ATP8A1: variants seen among roughly 807,000 people sequenced by gnomAD.
ATP8A1 encodes ATPase phospholipid transporting 8A1.
Under a neutral mutation model 177.7 loss-of-function variants are expected in ATP8A1, and 90 were observed. The observed-to-expected ratio is 0.51, with a 90% CI of 0.43 to 0.60. The LOEUF (loss-of-function observed/expected upper bound fraction) is 0.60. Among genes scored for constraint, ATP8A1 ranks in the 20% least tolerant of loss-of-function variants. ATP8A1 has a pLI of 0.00. For synonymous variants in ATP8A1, 493 were observed against 485.9 expected (o/e 1.01, Z -0.19); for missense variants, 1,072 against 1,392.8 (o/e 0.77, Z 3.67).
At chr4:42,564,534 C>T (rs951059925) in intron 15 of ATP8A1, among the ~76,000 whole-genome samples, 10 of 152,226 alleles carry the variant, frequency 6.6e-5, no homozygotes, top group African/African-American at 2.2e-4. Context: ...TAAGATTTGA[C>T]TGCCCTGCTG....
rs200072286 is a variant in ATP8A1, at chr4:42,462,987, G to A, written c.2619+1703C>T. Among the ~76,000 whole-genome samples the A allele has an allele frequency of 7.2e-5, 11 of 152,184 alleles. No individual in the cohort carries two copies. The East Asian group carries it at 1.9e-3, about 27-fold the overall frequency. Reference sequence around the variant, plus strand: ...TGGCCAGTTTCTCTCACTTGGAGTAGCTGTATTTACCCATTGCTTGTACAT... The same window carrying A: ...TGGCCAGTTTCTCTCACTTGGAGTAACTGTATTTACCCATTGCTTGTACAT... On this transcript the variant is annotated intron_variant, in intron 27 of 36. Coordinates refer to ENST00000381668, the MANE Select transcript of ATP8A1 (RefSeq NM_006095.2).
At chr4:42,579,376 TTAAA>T (rs997103463) in intron 11 of ATP8A1, among the ~76,000 whole-genome samples, 4 of 147,966 alleles carry the variant, frequency 2.7e-5, no homozygotes, top group African/African-American at 9.8e-5. Flanking sequence ...TAAAATATAT[TTAAA>T]TATTTATATT....
intron 1 of ATP8A1, among the ~76,000 whole-genome samples, chr4:42,627,657 A>G (rs991917733): frequency 6.6e-6 from 1 of 152,214 alleles, no homozygotes; most frequent in African/African-American, 2.4e-5. Context: ...AAATTTCTCA[A>G]GAGCACTTCA....
chr4:42,492,163 T>A (rs2069396460), intron 24 of ATP8A1, among the ~76,000 whole-genome samples: 1 of 152,206 alleles, frequency 6.6e-6, no homozygotes, highest in South Asian at 2.1e-4. Context: ...TATACTTATC[T>A]AAAGTATACT....
At chr4:42,567,819 G>A (rs982097502) in intron 15 of ATP8A1, among the ~76,000 whole-genome samples, 7 of 152,120 alleles carry the variant, frequency 4.6e-5, no homozygotes, top group African/African-American at 1.7e-4. Flanking sequence ...AGAATATTTT[G>A]AATGACGTGA....
In ATP8A1 at chr4:42,524,751, A is replaced by T; in HGVS notation, c.1807+12T>A. 6.3e-7 allele frequency: 1 copy of T among 1,574,900 alleles called. No individual in the cohort carries two copies. The highest frequency in any genetic ancestry group is 8.7e-7 in the Non-Finnish European group (1 of 1,149,986). On this transcript the variant is annotated intron_variant, in intron 21 of 36. Transcript: ENST00000381668. Reference sequence around the variant, plus strand: ...GTATTTTAATCATGCTTTATTGCCAAATTACACTTACCTTCTGTAGCAAAC... The same window carrying T: ...GTATTTTAATCATGCTTTATTGCCATATTACACTTACCTTCTGTAGCAAAC...
At chr4:42,591,086 A>G (rs1199740424) in intron 6 of ATP8A1, among the ~76,000 whole-genome samples, 1 of 152,146 alleles carries the variant, frequency 6.6e-6, no homozygotes, top group African/African-American at 2.4e-5. Flanking sequence ...TTAATATTTG[A>G]GGGTTATTTA....
chr4:42,566,198 T>A (rs1346727702), intron 15 of ATP8A1, among the ~76,000 whole-genome samples: 1 of 152,224 alleles, frequency 6.6e-6, no homozygotes, highest in Non-Finnish European at 1.5e-5. Flanking sequence ...TCTACATATA[T>A]CTAAGAGGTA....
chr4:42,555,139 A>ATCTT (rs1553903246), intron 16 of ATP8A1, among the ~76,000 whole-genome samples: 1,127 of 59,480 alleles, frequency 0.019, 25 homozygotes, highest in East Asian at 0.024. Context: ...CTATCTATCT[A>ATCTT]ATCTATCTAT....
chr4:42,594,257 T>C (rs956195557), intron 6 of ATP8A1: 1 of 1,368,474 alleles, frequency 7.3e-7, no homozygotes, highest in Non-Finnish European at 1.0e-6. Context: ...AACCATCCTC[T>C]ACACTGTTTG....
intron 29 of ATP8A1, 97 bp from the exon 30 acceptor site, chr4:42,452,156 T>A: frequency 1.2e-6 from 1 of 849,968 alleles, no homozygotes; most frequent in Non-Finnish European, 1.9e-6. Context: ...TCACAAAATG[T>A]GTTTCTGTCG....
chr4:42,539,770 T>C (rs1344757844), intron 20 of ATP8A1, among the ~76,000 whole-genome samples: 1 of 151,974 alleles, frequency 6.6e-6, no homozygotes, highest in Non-Finnish European at 1.5e-5. Context: ...TGAACCCTTA[T>C]CTCTTGCCAT....
intron 1 of ATP8A1, among the ~76,000 whole-genome samples, chr4:42,642,147 C>T (rs936287812): frequency 6.6e-6 from 1 of 152,202 alleles, no homozygotes; most frequent in Non-Finnish European, 1.5e-5. Context: ...CAGAAACAGA[C>T]ATTACCCAGG....
At chr4:42,605,151 A>G (rs1409929169) in intron 5 of ATP8A1, among the ~76,000 whole-genome samples, 1 of 152,242 alleles carries the variant, frequency 6.6e-6, no homozygotes, top group Non-Finnish European at 1.5e-5. Context: ...ATCCTTCAAC[A>G]TGGTGAGTTA....
At chr4:42,422,737 A>G (rs1714125532) in intron 35 of ATP8A1, 70 bp downstream of exon 35, 1 of 1,253,872 alleles carries the variant, frequency 8.0e-7, no homozygotes, top group Non-Finnish European at 1.1e-6. Flanking sequence ...CTTATCACTT[A>G]TTTCCAACCA....
chr4:42,507,946 C>CAAGAGGAA (rs1033560864), intron 22 of ATP8A1, among the ~76,000 whole-genome samples: 2 of 151,642 alleles, frequency 1.3e-5, no homozygotes, highest in African/African-American at 4.8e-5. Flanking sequence ...AATTAGAAAC[C>CAAGAGGAA]AAGAGGAAAA....
At chr4:42,564,132 C>G (rs887904389) in intron 15 of ATP8A1, among the ~76,000 whole-genome samples, 26 of 152,178 alleles carry the variant, frequency 1.7e-4, no homozygotes, top group African/African-American at 5.3e-4. Context: ...TTGGAAACCT[C>G]TGCCTAGACC....
At chr4:42,436,754 C>T (rs1433964162) in intron 33 of ATP8A1, among the ~76,000 whole-genome samples, 2 of 152,206 alleles carry the variant, frequency 1.3e-5, no homozygotes, top group Admixed American at 1.3e-4. Context: ...AACACTGCCC[C>T]ACCTCAGCAA....
intron 19 of ATP8A1, among the ~76,000 whole-genome samples, chr4:42,546,956 C>G (rs568365402): frequency 1.3e-5 from 2 of 152,250 alleles, no homozygotes; most frequent in South Asian, 4.2e-4. Context: ...TTCAGCCTTC[C>G]ATTTCCCCCT....
Sources: allele counts gnomAD v4.1 joint callset (sites outside exome capture counted in the v4.1 genomes callset), GRCh38; gene constraint gnomAD v4.1.1; transcripts MANE v1.5; gene names NCBI Gene and HGNC (gene_info 2026-07-23, HGNC 2026-07-21).